Variants in RBFOX1 observed in about 807,000 individuals in gnomAD.
RBFOX1 encodes RNA binding fox-1 homolog 1, also known as RNA binding protein fox-1 homolog 1.
Under a neutral mutation model 57.7 loss-of-function variants are expected in RBFOX1, and 8 were observed. The ratio of observed to expected loss-of-function variants is 0.14; its 90% confidence interval spans 0.08 to 0.25. The LOEUF is 0.25. Ranked by LOEUF, RBFOX1 falls within the 10% of genes least tolerant of loss-of-function variation. The pLI is 1.00. For missense variants in RBFOX1, 611 were observed against 548.5 expected, an observed-to-expected ratio of 1.11 and a Z score of -1.14; for synonymous variants, 326 against 222.4, an observed-to-expected ratio of 1.47 and a Z score of -4.15.
chr16:6,803,206 T>G (rs556366253), intron 3 of RBFOX1, among the ~76,000 whole-genome samples: 1 of 152,158 alleles, frequency 6.6e-6, no homozygotes, highest in South Asian at 2.1e-4. Context: ...TAGTCGAAAA[T>G]GTTCACTTGA....
intron 4 of RBFOX1, among the ~76,000 whole-genome samples, chr16:7,324,343 G>T (rs924363528): frequency 6.6e-6 from 1 of 152,150 alleles, no homozygotes; most frequent in Non-Finnish European, 1.5e-5. Flanking sequence ...GTGCTGTTAG[G>T]AGTGGCCTCT....
chr16:6,492,511 G>A (rs906153705), intron 2 of RBFOX1, among the ~76,000 whole-genome samples: 1 of 152,230 alleles, frequency 6.6e-6, no homozygotes, highest in African/African-American at 2.4e-5. Flanking sequence ...GGAGGTTGCA[G>A]TGAGCCGAGA....
At chr16:5,904,001 A>G (rs1226397816) in intron 4 of RBFOX1, among the ~76,000 whole-genome samples, 1 of 152,128 alleles carries the variant, frequency 6.6e-6, no homozygotes, top group Non-Finnish European at 1.5e-5. Context: ...TAGAATGGAG[A>G]TGAATGTAAT....
chr16:7,121,871 A>G (rs1353584604), intron 4 of RBFOX1, among the ~76,000 whole-genome samples: 1 of 152,052 alleles, frequency 6.6e-6, no homozygotes, highest in African/African-American at 2.4e-5. Context: ...CCAGAAATAG[A>G]CCCACAAAAT....
chr16:5,547,351 C>T (rs570680322), intron 2 of RBFOX1, among the ~76,000 whole-genome samples: 2 of 152,126 alleles, frequency 1.3e-5, no homozygotes, highest in African/African-American at 4.8e-5. Flanking sequence ...CTAGAAACCA[C>T]CCAAATGTCT....
chr16:5,397,394 C>G (rs1294163269), intron 1 of RBFOX1, among the ~76,000 whole-genome samples: 2 of 152,186 alleles, frequency 1.3e-5, no homozygotes, highest in Non-Finnish European at 2.9e-5. Flanking sequence ...CAGGCAGCCA[C>G]CTGGCAGGTG....
intron 2 of RBFOX1, among the ~76,000 whole-genome samples, chr16:6,404,114 C>T (rs760717824): frequency 1.3e-5 from 2 of 152,130 alleles, no homozygotes; most frequent in Non-Finnish European, 2.9e-5. Flanking sequence ...AGTCAACCAA[C>T]CACAGATCGA....
At chr16:7,148,087 A>C (rs1259699707) in intron 4 of RBFOX1, among the ~76,000 whole-genome samples, 1 of 152,196 alleles carries the variant, frequency 6.6e-6, no homozygotes, top group Non-Finnish European at 1.5e-5. Flanking sequence ...AGACAAACCT[A>C]GTCACAGCCA....
intron 1 of RBFOX1, among the ~76,000 whole-genome samples, chr16:5,366,976 A>C (rs932822918): frequency 6.6e-6 from 1 of 152,232 alleles, no homozygotes; most frequent in Non-Finnish European, 1.5e-5. Flanking sequence ...AAAAATATAC[A>C]TGTGAAATAA....
intron 2 of RBFOX1, among the ~76,000 whole-genome samples, chr16:6,493,800 G>C (rs751419476): frequency 1.3e-5 from 2 of 152,152 alleles, no homozygotes; most frequent in Non-Finnish European, 2.9e-5. Context: ...CACTTCACTC[G>C]GCAGATTTCA....
chr16:7,655,808 T>G (rs1330328614), intron 12 of RBFOX1, among the ~76,000 whole-genome samples: 1 of 152,130 alleles, frequency 6.6e-6, no homozygotes, highest in Non-Finnish European at 1.5e-5. Flanking sequence ...AAAGAAACAA[T>G]AGAGGAAAAT....
intron 3 of RBFOX1, among the ~76,000 whole-genome samples, chr16:6,699,123 C>T (rs987292790): frequency 1.3e-5 from 2 of 152,092 alleles, no homozygotes; most frequent in South Asian, 2.1e-4. Context: ...TAAGAAACAG[C>T]GTCTTCAACC....
chr16:7,609,263 TGTG>T (rs1184796575), intron 10 of RBFOX1, among the ~76,000 whole-genome samples: 1 of 152,054 alleles, frequency 6.6e-6, no homozygotes, highest in Admixed American at 6.5e-5. Flanking sequence ...ATGTGAGTGT[TGTG>T]GTGGAGAGGG....
chr16:5,264,100 G>A (rs1212910432), intron 1 of RBFOX1, among the ~76,000 whole-genome samples: 1 of 152,130 alleles, frequency 6.6e-6, no homozygotes, highest in East Asian at 1.9e-4. Context: ...GAGCAGGAAG[G>A]TAAAGCAAGA....
chr16:6,512,584 A>C (rs1290471965), intron 2 of RBFOX1, among the ~76,000 whole-genome samples: 3 of 152,100 alleles, frequency 2.0e-5, no homozygotes, highest in Non-Finnish European at 4.4e-5. Flanking sequence ...TTCTGCCTCC[A>C]ATGGACACCC....
At chr16:6,576,253 C>G (rs1028501601) in intron 2 of RBFOX1, among the ~76,000 whole-genome samples, 1 of 152,194 alleles carries the variant, frequency 6.6e-6, no homozygotes, top group Non-Finnish European at 1.5e-5. Flanking sequence ...GCAGGGACCA[C>G]TCTGGTCAGG....
intron 4 of RBFOX1, among the ~76,000 whole-genome samples, chr16:7,244,900 G>C (rs993178231): frequency 2.6e-5 from 4 of 152,194 alleles, no homozygotes; most frequent in African/African-American, 4.8e-5. Flanking sequence ...CGTATCCCAA[G>C]TGAAGCTAAT....
intron 3 of RBFOX1, among the ~76,000 whole-genome samples, chr16:6,920,482 C>A (rs1043488612): frequency 6.6e-6 from 1 of 152,164 alleles, no homozygotes. Flanking sequence ...ATTAAGGGAG[C>A]ACCGAGTCCA....
At chr16:6,350,227 G>A (rs1007577415) in intron 2 of RBFOX1, among the ~76,000 whole-genome samples, 7 of 151,566 alleles carry the variant, frequency 4.6e-5, no homozygotes, top group Non-Finnish European at 1.0e-4. Context: ...GCCTGAGGTC[G>A]GGAGTTCGAG....
Sources: gnomAD v4.1 joint callset for allele counts (sites outside exome capture counted in the v4.1 genomes callset) on GRCh38, gnomAD v4.1.1 for gene constraint, MANE v1.5 for transcripts, NCBI Gene and HGNC (gene_info 2026-07-23, HGNC 2026-07-21) for gene names.